The following PCDHAC1 variants were observed in gnomAD, a reference collection of about 807,000 sequenced individuals.
PCDHAC1 encodes the protein protocadherin alpha-C1.
In PCDHAC1, 42 loss-of-function variants were observed where a neutral mutation model predicts 60.0. That is an observed-to-expected ratio of 0.70 (90% CI 0.55 to 0.90). PCDHAC1 has a LOEUF of 0.90. Among genes scored for constraint, PCDHAC1 ranks in the 40% least tolerant of loss-of-function variants. The pLI, the probability that PCDHAC1 is intolerant of heterozygous loss-of-function variation, is 0.00. For synonymous variants in PCDHAC1, 468 were observed against 499.3 expected (o/e 0.94, Z 0.84); for missense variants, 1,160 against 1,222.3 (o/e 0.95, Z 0.76).
intron 1 of PCDHAC1, among the ~76,000 whole-genome samples, chr5:140,950,973 T>C (rs1381300164): frequency 3.3e-5 from 5 of 152,244 alleles, no homozygotes; most frequent in Middle Eastern, 3.4e-3. Flanking sequence ...TTCAGATTCA[T>C]TGACTTTTGC....
At chr5:140,939,281 G>C (rs1554212652) in intron 1 of PCDHAC1, among the ~76,000 whole-genome samples, 1 of 152,014 alleles carries the variant, frequency 6.6e-6, no homozygotes. Context: ...CTGTGCCCTC[G>C]TGATCTAATC....
At chr5:140,976,491 C>T (rs1478947639) in intron 1 of PCDHAC1, among the ~76,000 whole-genome samples, 2 of 152,172 alleles carry the variant, frequency 1.3e-5, no homozygotes, top group East Asian at 1.9e-4. Context: ...GCAGAGGTTG[C>T]AGGGAGCCAA....
At chr5:140,954,692 C>T (rs1428031536) in intron 1 of PCDHAC1, among the ~76,000 whole-genome samples, 10 of 151,966 alleles carry the variant, frequency 6.6e-5, no homozygotes, top group African/African-American at 2.4e-4. Flanking sequence ...GATGGATAGA[C>T]TACAAAATTT....
chr5:141,003,623 G>C (rs572368614), intron 3 of PCDHAC1, among the ~76,000 whole-genome samples: 1 of 152,240 alleles, frequency 6.6e-6, no homozygotes, highest in East Asian at 1.9e-4. Flanking sequence ...CCAGAGGGCA[G>C]TTTTTAAAGT....
Position 141,009,983 on chromosome 5 carries a change from G to A in PCDHAC1, c.*46G>A, listed in dbSNP as rs1554262629. The A allele has an allele frequency of 1.9e-6, 3 of 1,581,862 alleles. No homozygotes were observed. Among genetic ancestry groups the A allele is most frequent in the Non-Finnish European group, 2.6e-6 (3 of 1,167,526 alleles). On this transcript the variant is annotated 3_prime_UTR_variant, in exon 4 of 4. Coordinates refer to ENST00000253807, the MANE Select transcript of PCDHAC1 (RefSeq NM_018898.5). ...CCACTTAGCCAGTTTTTGTAATAAT[G>A]GCAAATCTCTCCCATGTAGCAATTC...
rs2085128137 is a variant in PCDHAC1 at position 140,928,296 on chromosome 5, T to C, written c.1404T>C (p.Phe468=). 6 of 1,614,054 alleles carry C rather than the reference T, an allele frequency of 3.7e-6. No individual in the cohort carries two copies. Among genetic ancestry groups the C allele is most frequent in the African/African-American group, 1.3e-5 (1 of 74,938 alleles). Residue 468 remains phenylalanine (F), a synonymous_variant, in exon 1 of 4, where the codon TTT becomes TTC. Coordinates refer to ENST00000253807, the MANE Select transcript of PCDHAC1 (RefSeq NM_018898.5). ...CTGGGGCCTCTCTAGGCCGAGTGTTTGCCCAGGACCCCGACCTGGGGAAGA... is the reference window on the plus strand; with the variant it reads ...CTGGGGCCTCTCTAGGCCGAGTGTTCGCCCAGGACCCCGACCTGGGGAAGA... The part of the protein sequence containing the change: ...NGPGASLGRV[F]AQDPDLGKNG...
intron 1 of PCDHAC1, among the ~76,000 whole-genome samples, chr5:140,948,051 T>A (rs1554218425): frequency 2.0e-5 from 3 of 151,622 alleles, no homozygotes; most frequent in African/African-American, 7.2e-5. Context: ...CATGATTCAT[T>A]GTTGAATTTC....
Position 140,926,553 on chromosome 5 carries a change from A to T in PCDHAC1, c.-340A>T. 4.3e-6 allele frequency: 1 copy of T among 233,838 alleles called. No homozygotes were observed. Among genetic ancestry groups the T allele is most frequent in the East Asian group, 9.1e-5 (1 of 10,966 alleles). The allele number at this position is 233,838 out of a possible 1,614,324, so 14.5% of individuals were successfully genotyped here. On this transcript the variant is annotated 5_prime_UTR_variant, in exon 1 of 4. Transcript: ENST00000253807. ...CAGCCAGCGTGGTGGTCGAGACCCCAGCCCGCTGCTACTGGAGACAGCACC... is the reference window on the plus strand; with the variant it reads ...CAGCCAGCGTGGTGGTCGAGACCCCTGCCCGCTGCTACTGGAGACAGCACC...
At position 141,009,636 on chromosome 5, in the gene PCDHAC1, C is replaced by T. The variant is rs782321757; in HGVS notation, c.2591C>T (p.Ala864Val). ...ATGTTTTGTCTTTCAGAACCAGAGG[C>T]AGGAGAAGTGTCCCCTCCAGTCGGT... ...TVSSATPEPE[A>V]GEVSPPVGAG... Residue 864 changes from alanine (A) to valine (V), a missense_variant, in exon 4 of 4, where the codon GCA becomes GTA. Physicochemically the swap from Ala to Val is moderately conservative, Grantham distance 64. This residue lies in a region of PCDHAC1 where 1,113 missense variants were observed against 1,163.7 expected (regional missense o/e 0.96). Transcript: ENST00000253807. 3.7e-6 allele frequency: 6 copies of T among 1,613,192 alleles called. No homozygotes were observed. Among genetic ancestry groups the T allele is most frequent in the Non-Finnish European group, 4.2e-6 (5 of 1,179,532 alleles).
chr5:140,961,255 C>G (rs1446798989), intron 1 of PCDHAC1, among the ~76,000 whole-genome samples: 1 of 152,164 alleles, frequency 6.6e-6, no homozygotes, highest in African/African-American at 2.4e-5. Context: ...TCCGAAGCTC[C>G]AGGAAGCTTC....
chr5:140,989,422 TG>T (rs1554250798), intron 3 of PCDHAC1, among the ~76,000 whole-genome samples: 2 of 152,128 alleles, frequency 1.3e-5, no homozygotes, highest in African/African-American at 4.8e-5. Flanking sequence ...CTTCACTCTG[TG>T]GGAAAAATTG....
intron 3 of PCDHAC1, among the ~76,000 whole-genome samples, chr5:140,986,633 C>T (rs566373023): frequency 5.9e-5 from 9 of 152,266 alleles, no homozygotes; most frequent in Admixed American, 3.3e-4. Context: ...GGCAACAGTA[C>T]ATTAGTTTTA....
intron 1 of PCDHAC1, among the ~76,000 whole-genome samples, chr5:140,961,983 A>C (rs941028423): frequency 1.3e-5 from 2 of 151,532 alleles, no homozygotes; most frequent in Non-Finnish European, 2.9e-5. Context: ...TCCTGGGTTC[A>C]CGCCATTGTC....
chr5:140,964,380 C>T (rs891362271), intron 1 of PCDHAC1, among the ~76,000 whole-genome samples: 9 of 152,120 alleles, frequency 5.9e-5, no homozygotes, highest in Non-Finnish European at 1.3e-4. Context: ...AAGGAGAGTC[C>T]TGGTTTTTCT....
intron 1 of PCDHAC1, among the ~76,000 whole-genome samples, chr5:140,941,248 T>TTTCTTTC (rs2092963388): frequency 1.4e-5 from 2 of 141,492 alleles, no homozygotes; most frequent in African/African-American, 5.3e-5. Context: ...TCTTTCTTTC[T>TTTCTTTC]TTCTTTCTCT....
At chr5:141,006,035 G>T (rs529655038) in intron 3 of PCDHAC1, among the ~76,000 whole-genome samples, 7 of 151,222 alleles carry the variant, frequency 4.6e-5, no homozygotes, top group Admixed American at 2.0e-4. Flanking sequence ...GTAAGAGGGA[G>T]ATTTGTAGAT....
At chr5:140,999,143 A>G (rs2097848811) in intron 3 of PCDHAC1, among the ~76,000 whole-genome samples, 1 of 152,214 alleles carries the variant, frequency 6.6e-6, no homozygotes, top group Non-Finnish European at 1.5e-5. Context: ...CACAGCCGGA[A>G]GTCTTCAGTC....
intron 1 of PCDHAC1, among the ~76,000 whole-genome samples, chr5:140,941,621 G>A (rs552509224): frequency 6.6e-6 from 1 of 151,808 alleles, no homozygotes; most frequent in South Asian, 2.1e-4. Context: ...AGCCCATCCT[G>A]CTTCTTAATT....
chr5:140,929,108 C>T lies in PCDHAC1; in HGVS notation c.2216C>T (p.Ser739Leu), dbSNP rs1255119645. 6.2e-7 allele frequency: 1 copy of T among 1,614,080 alleles called. No individual in the cohort carries two copies. Among genetic ancestry groups the T allele is most frequent in the African/African-American group, 1.3e-5 (1 of 74,918 alleles). Reference protein sequence around the residue: ...SKMVSNPCMTSATIDVTTVER... With the variant: ...SKMVSNPCMTLATIDVTTVER... ...ATGGTTTCAAATCCTTGCATGACAT[C>T]AGCCACCATAGATGTCACTACAGTT... Residue 739 changes from serine (S) to leucine (L), a missense_variant, in exon 1 of 4, where the codon TCA becomes TTA. Ser to Leu is a moderately radical substitution (Grantham distance 145). Coordinates refer to ENST00000253807, the MANE Select transcript of PCDHAC1 (RefSeq NM_018898.5).
Sources: gnomAD v4.1 joint callset for allele counts (sites outside exome capture counted in the v4.1 genomes callset) on GRCh38, gnomAD v4.1.1 for gene constraint, gnomAD v4.1.1 regional missense constraint, MANE v1.5 for transcripts, NCBI Gene and HGNC (gene_info 2026-07-23, HGNC 2026-07-21) for gene names.